Variants in PRKCZ observed in about 807,000 individuals in gnomAD.
The protein encoded by PRKCZ is protein kinase C zeta type.
Under a neutral mutation model 79.5 loss-of-function variants are expected in PRKCZ, and 33 were observed. The observed-to-expected ratio is 0.41, with a 90% confidence interval of 0.31 to 0.55. PRKCZ has a LOEUF of 0.55. PRKCZ is among the 20% of genes least tolerant of loss of function. PRKCZ has a pLI of 0.19. For missense variants in PRKCZ, 578 were observed against 813.5 expected, an observed-to-expected ratio of 0.71 and a Z score of 3.52; for synonymous variants, 342 against 320.9, an observed-to-expected ratio of 1.07 and a Z score of -0.70.
intron 5 of PRKCZ, among the ~76,000 whole-genome samples, chr1:2,137,154 C>G (rs1361596205): frequency 6.6e-6 from 1 of 152,154 alleles, no homozygotes; most frequent in Non-Finnish European, 1.5e-5. Context: ...GTCCCGGAGT[C>G]TAAAGGCCCA....
Position 2,115,601 on chromosome 1 carries a change from C to T in PRKCZ, c.335-19661C>T, listed in dbSNP as rs569049273. Reference sequence around the variant, plus strand: ...CACAAGCCTGCCCCTACTTGAGAGCCAGCTGCAAGTGCCAGGTGACAACCT... The same window carrying T: ...CACAAGCCTGCCCCTACTTGAGAGCTAGCTGCAAGTGCCAGGTGACAACCT... On this transcript the variant is annotated intron_variant, in intron 4 of 17. Coordinates refer to ENST00000378567, the MANE Select transcript of PRKCZ (RefSeq NM_002744.6). Among the ~76,000 whole-genome samples, 5 of 152,326 alleles carry T rather than the reference C, an allele frequency of 3.3e-5. No homozygotes were observed. The East Asian group carries it at 9.6e-4, about 29-fold the overall frequency.
At chr1:2,183,187 T>A (rs530663932) in intron 16 of PRKCZ, among the ~76,000 whole-genome samples, 93 of 151,874 alleles carry the variant, frequency 6.1e-4, no homozygotes, top group African/African-American at 2.2e-3. Context: ...GCCGAGATCG[T>A]GCCACTGCAC....
chr1:2,063,037 T>C (rs1160939242), intron 4 of PRKCZ, among the ~76,000 whole-genome samples: 1 of 152,148 alleles, frequency 6.6e-6, no homozygotes, highest in Non-Finnish European at 1.5e-5. Flanking sequence ...TCTGTCCTTT[T>C]GTGACAGCTT....
At chr1:2,184,865 C>T (rs1687333940) in intron 17 of PRKCZ, 57 bp from the exon 18 acceptor site, 1 of 1,498,690 alleles carries the variant, frequency 6.7e-7, no homozygotes. Context: ...GACTCCGCTT[C>T]CCCCAAGGGA....
Position 2,155,750 on chromosome 1 carries a change from G to A in PRKCZ, c.877-245G>A, listed in dbSNP as rs1680904708. Reference sequence around the variant, plus strand: ...AGTGGGGGGTGGGGGTAGGGTGTATGGTGACAGTGGTGTGACGGTGGTGAT... The same window carrying A: ...AGTGGGGGGTGGGGGTAGGGTGTATAGTGACAGTGGTGTGACGGTGGTGAT... On this transcript the variant is annotated intron_variant, in intron 9 of 17. Transcript: ENST00000378567. 2.0e-5 allele frequency among the ~76,000 whole-genome samples: 3 copies of A among 151,158 alleles called. 1 individual carries two copies. Among genetic ancestry groups the A allele is most frequent in the African/African-American group, 7.3e-5 (3 of 41,000 alleles).
At chr1:2,090,642 C>T (rs544949176) in intron 4 of PRKCZ, among the ~76,000 whole-genome samples, 2 of 152,340 alleles carry the variant, frequency 1.3e-5, no homozygotes, top group South Asian at 4.1e-4. Flanking sequence ...ATGAAGCCCT[C>T]GTCCTCCCAC....
intron 4 of PRKCZ, among the ~76,000 whole-genome samples, chr1:2,091,041 GT>G (rs1157340583): frequency 6.6e-6 from 1 of 152,128 alleles, no homozygotes; most frequent in Non-Finnish European, 1.5e-5. Flanking sequence ...GTTCTTGTTT[GT>G]TTTTTTGAGC....
intron 4 of PRKCZ, among the ~76,000 whole-genome samples, chr1:2,076,149 G>GCCCA (rs1662370551): frequency 6.6e-6 from 1 of 152,212 alleles, no homozygotes; most frequent in Non-Finnish European, 1.5e-5. Context: ...GCCATCGAGG[G>GCCCA]GAAGCCTGTG....
intron 4 of PRKCZ, among the ~76,000 whole-genome samples, chr1:2,124,813 A>G (rs1310031775): frequency 6.7e-6 from 1 of 150,180 alleles, no homozygotes; most frequent in African/African-American, 2.4e-5. Context: ...TGGGTGGCGC[A>G]TCTCTCTGGC....
intron 4 of PRKCZ, among the ~76,000 whole-genome samples, chr1:2,097,768 T>A (rs3128328): frequency 3.3e-4 from 50 of 152,006 alleles, no homozygotes; most frequent in Admixed American, 2.4e-3. Flanking sequence ...TTTTGGGTGC[T>A]GCAAAAGAAA....
At chr1:2,179,292 G>T (rs889366361) in intron 16 of PRKCZ, among the ~76,000 whole-genome samples, 1 of 152,326 alleles carries the variant, frequency 6.6e-6, no homozygotes, top group Admixed American at 6.5e-5. Flanking sequence ...CCTGTCCCGG[G>T]TGAGCTTTGA....
At chr1:2,079,835 G>T (rs1557511321) in intron 4 of PRKCZ, among the ~76,000 whole-genome samples, 1 of 152,124 alleles carries the variant, frequency 6.6e-6, no homozygotes, top group Non-Finnish European at 1.5e-5. Flanking sequence ...ACATTGACTC[G>T]TGGGGCACCA....
intron 11 of PRKCZ, among the ~76,000 whole-genome samples, chr1:2,171,341 CAAA>C (rs1373305242): frequency 6.2e-5 from 3 of 48,128 alleles, no homozygotes; most frequent in Admixed American, 2.2e-4. Flanking sequence ...AACTCTGTCT[CAAA>C]AAAAAAAAAA....
Position 2,081,384 on chromosome 1 carries a change from G to A in PRKCZ, c.334+21793G>A, listed in dbSNP as rs77907287. ...GGGGGTGGGTGCTGACGGGTCTCTGGCAGGAGGGGGCAGGCTGCAGGGAGC... is the reference window on the plus strand; with the variant it reads ...GGGGGTGGGTGCTGACGGGTCTCTGACAGGAGGGGGCAGGCTGCAGGGAGC... On this transcript the variant is annotated intron_variant, in intron 4 of 17. Coordinates refer to ENST00000378567, the MANE Select transcript of PRKCZ (RefSeq NM_002744.6). 3.1e-3 allele frequency among the ~76,000 whole-genome samples: 467 copies of A among 152,256 alleles called. 22 individuals are homozygous for A. In the East Asian group the frequency reaches 0.077, roughly 25 times the overall value.
chr1:2,099,662 CAG>C lies in PRKCZ; in HGVS notation c.335-35597_335-35596del, dbSNP rs147420676. Among the ~76,000 whole-genome samples, 1,316 of 152,272 alleles carry C rather than the reference CAG, an allele frequency of 8.6e-3. 22 individuals are homozygous for C. The highest frequency in any genetic ancestry group is 0.029 in the African/African-American group (1,188 of 41,544). ...GGTGTGGGTGGTGCCCAGGCATTGA[CAG>C]AGGGGAGCTCACTGGACGGGGCAGC... is the stretch of plus-strand genomic sequence containing the variant. On this transcript the variant is annotated intron_variant, in intron 4 of 17. Coordinates refer to ENST00000378567, the MANE Select transcript of PRKCZ (RefSeq NM_002744.6).
intron 1 of PRKCZ, among the ~76,000 whole-genome samples, chr1:2,055,140 C>G (rs1044088770): frequency 3.3e-5 from 5 of 152,042 alleles, no homozygotes; most frequent in African/African-American, 1.2e-4. Flanking sequence ...GACGGGGTTT[C>G]ACCGTGTTAG....
At chr1:2,167,183 G>T (rs1200746652) in intron 10 of PRKCZ, among the ~76,000 whole-genome samples, 2 of 152,238 alleles carry the variant, frequency 1.3e-5, no homozygotes, top group African/African-American at 4.8e-5. Context: ...AGCTGCCTGG[G>T]TCCTAGGCCT....
At chr1:2,134,832 GC>G (rs1166923580) in intron 4 of PRKCZ, 1 of 154,936 alleles carries the variant, frequency 6.5e-6, no homozygotes, top group Admixed American at 6.3e-5. Flanking sequence ...AAATATTGAG[GC>G]CCGTTTGAAC....
intron 5 of PRKCZ, among the ~76,000 whole-genome samples, 173 bp downstream of exon 5, chr1:2,135,520 G>T (rs1002121762): frequency 1.3e-5 from 2 of 152,246 alleles, no homozygotes; most frequent in African/African-American, 4.8e-5. Context: ...GACTAGGGCT[G>T]TCTGAGGCGG....
Sources: gnomAD v4.1 joint callset for allele counts (sites outside exome capture counted in the v4.1 genomes callset) on GRCh38, gnomAD v4.1.1 for gene constraint, MANE v1.5 for transcripts, NCBI Gene and HGNC (gene_info 2026-07-23, HGNC 2026-07-21) for gene names.